ACACA: variants seen among roughly 807,000 people sequenced by gnomAD.
The protein encoded by ACACA is acetyl-CoA carboxylase 1.
In ACACA, 103 loss-of-function variants were observed where a neutral mutation model predicts 296.1. The observed-to-expected ratio is 0.35, with a 90% confidence interval of 0.30 to 0.41. The LOEUF (loss-of-function observed/expected upper bound fraction) is 0.41. ACACA is among the 10% of genes least tolerant of loss of function. The pLI is 1.00. For synonymous variants in ACACA, 953 were observed against 1,038.6 expected, an observed-to-expected ratio of 0.92 and a Z score of 1.58; for missense variants, 1,554 against 2,989.7, an observed-to-expected ratio of 0.52 and a Z score of 11.20.
chr17:37,303,226 C>T (rs1012035803), intron 3 of ACACA, among the ~76,000 whole-genome samples: 1 of 152,194 alleles, frequency 6.6e-6, no homozygotes. Context: ...TTGCCTATTA[C>T]AGACATTTCA....
At chr17:37,285,691 C>T (rs2542666) in intron 3 of ACACA, among the ~76,000 whole-genome samples, 44,202 of 135,430 alleles carry the variant, frequency 0.33, 8,961 homozygotes, top group African/African-American at 0.58. Flanking sequence ...TGTGTTCCTG[C>T]AGCCCCAGTT....
chr17:37,348,368 C>T (rs1312220763), intron 1 of ACACA, among the ~76,000 whole-genome samples: 2 of 152,156 alleles, frequency 1.3e-5, no homozygotes, highest in African/African-American at 2.4e-5. Context: ...TAAAAAGAGA[C>T]ACCAAGGCAC....
intron 42 of ACACA, among the ~76,000 whole-genome samples, chr17:37,156,037 T>TTTTC (rs2076228994): frequency 2.6e-4 from 39 of 150,886 alleles, no homozygotes; most frequent in East Asian, 1.6e-3. Flanking sequence ...CTTCATTTCA[T>TTTTC]TTTCTTTCTT....
At chr17:37,160,924 AG>A (rs1486788528) in intron 42 of ACACA, among the ~76,000 whole-genome samples, 1 of 152,114 alleles carries the variant, frequency 6.6e-6, no homozygotes, top group African/African-American at 2.4e-5. Context: ...GAGAGGATGG[AG>A]GGGGTAGCAA....
intron 1 of ACACA, among the ~76,000 whole-genome samples, chr17:37,366,633 T>C (rs924136879): frequency 6.6e-6 from 1 of 152,082 alleles, no homozygotes; most frequent in African/African-American, 2.4e-5. Flanking sequence ...CACGCCTGGC[T>C]AATTTTTGTA....
intron 41 of ACACA, among the ~76,000 whole-genome samples, chr17:37,164,137 C>G (rs1344647752): frequency 6.6e-6 from 1 of 150,902 alleles, no homozygotes; most frequent in African/African-American, 2.4e-5. Flanking sequence ...ATGAGCTTCC[C>G]TGGTCCTGCC....
chr17:37,101,892 C>T (rs1394797913), intron 52 of ACACA, among the ~76,000 whole-genome samples: 4 of 152,184 alleles, frequency 2.6e-5, no homozygotes, highest in Non-Finnish European at 5.9e-5. Context: ...CATGGCTAAA[C>T]GCACATATAC....
At chr17:37,371,561 T>C (rs2049806562) in intron 1 of ACACA, among the ~76,000 whole-genome samples, 1 of 152,114 alleles carries the variant, frequency 6.6e-6, no homozygotes, top group African/African-American at 2.4e-5. Flanking sequence ...AAAATATACT[T>C]ATGTTCTATA....
intron 35 of ACACA, among the ~76,000 whole-genome samples, chr17:37,199,453 ATTAAC>A (rs2078150093): frequency 6.6e-6 from 1 of 152,152 alleles, no homozygotes; most frequent in South Asian, 2.1e-4. Flanking sequence ...ATGCCAGGCT[ATTAAC>A]TTAATTCTCT....
intron 43 of ACACA, 57 bp downstream of exon 43, chr17:37,155,626 T>A: frequency 1.7e-6 from 2 of 1,173,096 alleles, no homozygotes; most frequent in Non-Finnish European, 2.5e-6. Context: ...TGGAAAAAAA[T>A]ACCATATTCT....
intron 43 of ACACA, among the ~76,000 whole-genome samples, chr17:37,152,147 AAAT>A (rs922805151): frequency 2.6e-5 from 4 of 152,206 alleles, no homozygotes; most frequent in Non-Finnish European, 2.9e-5. Flanking sequence ...GTGACTCTAG[AAAT>A]AATAATAACT....
chr17:37,105,190 A>G (rs2073606068), intron 52 of ACACA, among the ~76,000 whole-genome samples: 1 of 152,194 alleles, frequency 6.6e-6, no homozygotes, highest in Non-Finnish European at 1.5e-5. Context: ...GCTCTAGGCG[A>G]CCTTGTAGAA....
At chr17:37,103,155 TG>T (rs2073464220) in intron 52 of ACACA, among the ~76,000 whole-genome samples, 1 of 152,228 alleles carries the variant, frequency 6.6e-6, no homozygotes, top group Non-Finnish European at 1.5e-5. Flanking sequence ...CCTCTCTCCT[TG>T]TACAGCAAAG....
intron 50 of ACACA, among the ~76,000 whole-genome samples, chr17:37,116,486 G>T (rs1378209703): frequency 6.6e-6 from 1 of 152,162 alleles, no homozygotes; most frequent in African/African-American, 2.4e-5. Flanking sequence ...CCTGTGTGAG[G>T]CTTGGATCTG....
chr17:37,265,808 G>A (rs546173424), intron 10 of ACACA, among the ~76,000 whole-genome samples: 5 of 152,080 alleles, frequency 3.3e-5, no homozygotes, highest in Admixed American at 1.3e-4. Context: ...CTGCCCTCTG[G>A]GCTCCTGACT....
At chr17:37,360,043 G>A (rs1202505530) in intron 1 of ACACA, among the ~76,000 whole-genome samples, 3 of 152,124 alleles carry the variant, frequency 2.0e-5, no homozygotes, top group Non-Finnish European at 4.4e-5. Flanking sequence ...GAGCCTTTGA[G>A]AGGAAGCCAG....
chr17:37,323,873 CAG>C lies in ACACA; in HGVS notation c.338+6298_338+6299del, dbSNP rs2147147514. On this transcript the variant is annotated intron_variant, in intron 3 of 55. Coordinates refer to ENST00000616317, the MANE Select transcript of ACACA (RefSeq NM_198834.3). ...GACCTCAAGTGACATCCCATAGGAGCAGAGAAACTGCCAATATCCATACAACT... is the reference window on the plus strand; with the variant it reads ...GACCTCAAGTGACATCCCATAGGAGCAGAAACTGCCAATATCCATACAACT... 2.0e-5 allele frequency among the ~76,000 whole-genome samples: 3 copies of C among 152,304 alleles called. No homozygotes were observed. The East Asian group carries it at 5.8e-4, about 29-fold the overall frequency.
At chr17:37,154,150 A>AAAAAT (rs2076149612) in intron 43 of ACACA, among the ~76,000 whole-genome samples, 1 of 152,188 alleles carries the variant, frequency 6.6e-6, no homozygotes, top group African/African-American at 2.4e-5. Context: ...CTAAAATTAA[A>AAAAAT]AAAATAATTA....
chr17:37,181,774 C>T (rs2077329901), intron 39 of ACACA, among the ~76,000 whole-genome samples: 1 of 151,456 alleles, frequency 6.6e-6, no homozygotes, highest in Admixed American at 6.6e-5. Context: ...GTGGTGGGCG[C>T]CTGTAGTCCC....
Sources: gnomAD v4.1 joint callset for allele counts (sites outside exome capture counted in the v4.1 genomes callset) on GRCh38, gnomAD v4.1.1 for gene constraint, MANE v1.5 for transcripts, NCBI Gene and HGNC (gene_info 2026-07-23, HGNC 2026-07-21) for gene names.